Variants in LDLRAD3 observed in about 807,000 individuals in gnomAD.
LDLRAD3 encodes the protein low density lipoprotein receptor class A domain containing 3.
A neutral mutation model predicts 29.4 loss-of-function variants in LDLRAD3; 20 were observed. The observed-to-expected ratio is 0.68, with a 90% confidence interval of 0.48 to 0.99. The LOEUF is 0.99. LDLRAD3 is among the 50% of genes least tolerant of loss of function. LDLRAD3 has a pLI of 0.00. For missense variants in LDLRAD3, 420 were observed against 454.3 expected (o/e 0.92, Z 0.69); for synonymous variants, 157 against 192.7 (o/e 0.81, Z 1.53).
intron 1 of LDLRAD3, among the ~76,000 whole-genome samples, chr11:36,021,541 G>C (rs1852095967): frequency 6.6e-6 from 1 of 152,214 alleles, no homozygotes; most frequent in African/African-American, 2.4e-5. Flanking sequence ...CAATGATTGG[G>C]AGGCCCCCTG....
At chr11:36,051,755 AAAAG>A (rs1852531625) in intron 2 of LDLRAD3, among the ~76,000 whole-genome samples, 1 of 149,438 alleles carries the variant, frequency 6.7e-6, no homozygotes, top group African/African-American at 2.5e-5. Flanking sequence ...CTGCCAAACA[AAAAG>A]AAAGAAAAGA....
chr11:36,053,682 C>A lies in LDLRAD3; in HGVS notation c.193+17433C>A, dbSNP rs79874564. Among the ~76,000 whole-genome samples the A allele has an allele frequency of 2.1e-3, 314 of 152,244 alleles. 8 individuals carry two copies. The East Asian group carries it at 0.053, about 26-fold the overall frequency. The stretch of plus-strand genomic sequence containing the variant: ...TGCTTGGAATCCTCTTCCCGTGACC[C>A]CAGAAGAAGAGACTTATGTTCATGG... On this transcript the variant is annotated intron_variant, in intron 2 of 5. Coordinates refer to ENST00000315571, the MANE Select transcript of LDLRAD3 (RefSeq NM_174902.4).
intron 1 of LDLRAD3, among the ~76,000 whole-genome samples, chr11:36,015,578 A>C (rs1852012156): frequency 6.6e-6 from 1 of 151,950 alleles, no homozygotes; most frequent in South Asian, 2.1e-4. Context: ...AAGTAAACAC[A>C]CCTGGGGAAC....
intron 4 of LDLRAD3, among the ~76,000 whole-genome samples, chr11:36,153,903 A>G (rs1170751397): frequency 2.0e-5 from 3 of 152,120 alleles, no homozygotes; most frequent in African/African-American, 7.2e-5. Context: ...GGCCATGGGA[A>G]AGTAGAATTT....
intron 3 of LDLRAD3, among the ~76,000 whole-genome samples, chr11:36,093,523 G>C (rs1377318532): frequency 6.6e-6 from 1 of 151,954 alleles, no homozygotes; most frequent in East Asian, 1.9e-4. Flanking sequence ...ATATAGTACA[G>C]TACATAGCCT....
At chr11:36,186,251 A>T (rs6484825) in intron 4 of LDLRAD3, among the ~76,000 whole-genome samples, 64,593 of 152,138 alleles carry the variant, frequency 0.42, 14,995 homozygotes, top group South Asian at 0.54. Flanking sequence ...TGTTATACAG[A>T]TCAATCATGT....
At chr11:36,110,543 A>G (rs16928410) in intron 4 of LDLRAD3, among the ~76,000 whole-genome samples, 13,872 of 152,216 alleles carry the variant, frequency 0.091, 852 homozygotes, top group African/African-American at 0.17. Context: ...GCTTGATTGT[A>G]GAGGGGACAT....
At position 35,944,248 on chromosome 11, in the gene LDLRAD3, C is replaced by A; in HGVS notation, c.46+104C>A. 1.4e-6 allele frequency: 1 copy of A among 694,808 alleles called. No individual in the cohort carries two copies. Among genetic ancestry groups the A allele is most frequent in the Non-Finnish European group, 1.8e-6 (1 of 563,594 alleles). 43.0% of individuals were successfully genotyped at this position (694,808 alleles called of 1,614,324 possible). ...CGTCCTCTCCCGGGCGCGGGCCGCT[C>A]TCCGGGCGTGGGTGAGCGCGGAGGG... On this transcript the variant is annotated intron_variant, in intron 1 of 5. Coordinates refer to ENST00000315571, the MANE Select transcript of LDLRAD3 (RefSeq NM_174902.4). This position sits in a 1 kb window ranked among gnomAD's most constrained non-coding sequence, Gnocchi z 4.9.
At chr11:36,187,821 T>C (rs1008277265) in intron 4 of LDLRAD3, among the ~76,000 whole-genome samples, 1 of 152,232 alleles carries the variant, frequency 6.6e-6, no homozygotes. Flanking sequence ...ATATGATTAC[T>C]GGAGACAAGC....
At chr11:36,125,814 T>C (rs1337277424) in intron 4 of LDLRAD3, among the ~76,000 whole-genome samples, 1 of 152,152 alleles carries the variant, frequency 6.6e-6, no homozygotes, top group Non-Finnish European at 1.5e-5. Flanking sequence ...GCTCCTGCAG[T>C]GCACAAGATG....
At chr11:36,054,094 G>A (rs984372654) in intron 2 of LDLRAD3, among the ~76,000 whole-genome samples, 7 of 152,104 alleles carry the variant, frequency 4.6e-5, no homozygotes, top group African/African-American at 7.2e-5. Context: ...CTTTCCCTGC[G>A]CTCTCTGTTT....
intron 1 of LDLRAD3, chr11:35,997,130 C>A: frequency 7.6e-6 from 2 of 264,382 alleles, no homozygotes; most frequent in Non-Finnish European, 1.4e-5. Flanking sequence ...TAGGTGGAAA[C>A]TTTTGTTTCT....
intron 1 of LDLRAD3, among the ~76,000 whole-genome samples, chr11:36,020,190 C>G (rs190332786): frequency 6.6e-6 from 1 of 152,180 alleles, no homozygotes; most frequent in Non-Finnish European, 1.5e-5. Context: ...TACACTCAAG[C>G]TAATCTGGAG....
intron 3 of LDLRAD3, among the ~76,000 whole-genome samples, chr11:36,089,731 C>G (rs899154742): frequency 6.6e-6 from 1 of 151,878 alleles, no homozygotes; most frequent in Non-Finnish European, 1.5e-5. Context: ...TCTTAAGTAG[C>G]TAGAAATACA....
chr11:36,044,204 T>A (rs1294202927), intron 2 of LDLRAD3, among the ~76,000 whole-genome samples: 1 of 152,164 alleles, frequency 6.6e-6, no homozygotes, highest in Non-Finnish European at 1.5e-5. Context: ...ATGGAGATAA[T>A]AGCAGTGCCT....
intron 4 of LDLRAD3, among the ~76,000 whole-genome samples, chr11:36,108,668 G>T (rs1403608021): frequency 6.6e-6 from 1 of 152,090 alleles, no homozygotes; most frequent in South Asian, 2.1e-4. Flanking sequence ...ATCCTTCCAG[G>T]CAGAGAGAAT....
At chr11:36,146,382 A>G (rs914861614) in intron 4 of LDLRAD3, among the ~76,000 whole-genome samples, 5 of 152,232 alleles carry the variant, frequency 3.3e-5, no homozygotes, top group African/African-American at 9.6e-5. Context: ...TAGGAGTAAT[A>G]TACACCCATT....
intron 5 of LDLRAD3, 55 bp from the exon 6 acceptor site, chr11:36,229,105 G>A: frequency 7.9e-7 from 1 of 1,264,706 alleles, no homozygotes; most frequent in South Asian, 1.2e-5. Flanking sequence ...GCCCTAATGT[G>A]TTCTCTTCTC....
In LDLRAD3 at chr11:35,944,102, T is replaced by C; in HGVS notation, c.4T>C (p.Trp2Arg). The C allele has an allele frequency of 3.7e-6, 4 of 1,071,402 alleles. No individual in the cohort carries two copies. Among genetic ancestry groups the C allele is most frequent in the Non-Finnish European group, 3.4e-6 (3 of 886,532 alleles). The allele number at this position is 1,071,402 out of a possible 1,614,324, so 66.4% of individuals were successfully genotyped here. M[W>R]LLGPLCLLLS... is the part of the protein sequence containing the mutation. ...CAGCGGGAGCGGCGGCCGCGCCATG[T>C]GGCTGCTGGGGCCGCTGTGCCTGCT... is the stretch of plus-strand genomic sequence containing the variant. The change falls in exon 1 of 6, where the codon TGG (tryptophan) becomes CGG (arginine). Residue 2 changes from tryptophan (W) to arginine (R), a missense_variant. Trp to Arg is a moderately radical substitution (Grantham distance 101, BLOSUM62 -3). Around this residue, in one of 3 missense-constraint regions of LDLRAD3, gnomAD observed 224 missense variants for 222.2 expected, o/e 1.01. Coordinates refer to ENST00000315571, the MANE Select transcript of LDLRAD3 (RefSeq NM_174902.4). This position sits in a 1 kb window ranked among gnomAD's most constrained non-coding sequence, Gnocchi z 4.9.
Sources: gnomAD v4.1 joint callset for allele counts (sites outside exome capture counted in the v4.1 genomes callset) on GRCh38, gnomAD v4.1.1 for gene constraint, gnomAD v4.1.1 regional missense constraint, Gnocchi (gnomAD v3.1) non-coding constraint, MANE v1.5 for transcripts, NCBI Gene and HGNC (gene_info 2026-07-23, HGNC 2026-07-21) for gene names.